The following LOC400499 variants were observed in gnomAD, a reference collection of about 807,000 sequenced individuals.
At chr16:11,459,868 A>C in the LOC400499 span, 208 of 1,338,390 alleles carry the variant, frequency 1.6e-4, no homozygotes, top group Middle Eastern at 7.7e-4. Context: ...CTCATGGGGC[A>C]CGGCTCTGCC....
chr16:11,426,411 C>G, the LOC400499 span, among the ~76,000 whole-genome samples: 2 of 152,104 alleles, frequency 1.3e-5, no homozygotes, highest in East Asian at 3.9e-4. Context: ...CCACTGCACT[C>G]CAGTCTGGGA....
chr16:11,478,310 G>C, the LOC400499 span, among the ~76,000 whole-genome samples: 5 of 148,816 alleles, frequency 3.4e-5, no homozygotes, highest in African/African-American at 1.2e-4. Context: ...TTACAGGCGT[G>C]AGCCACTTCG....
chr16:11,425,503 A>G, the LOC400499 span: 1 of 398,730 alleles, frequency 2.5e-6, no homozygotes, highest in East Asian at 3.6e-5. Context: ...GAGAGGAGGG[A>G]AAAGAATTTG....
chr16:11,444,645 G>C, the LOC400499 span, among the ~76,000 whole-genome samples: 2 of 152,182 alleles, frequency 1.3e-5, no homozygotes, highest in Non-Finnish European at 2.9e-5. Context: ...CTGGATCCTG[G>C]CATGCAATGG....
At chr16:11,411,468 A>C in the LOC400499 span, 1 of 396,974 alleles carries the variant, frequency 2.5e-6, no homozygotes, top group Non-Finnish European at 4.4e-6. Context: ...GTTCAGGGCT[A>C]TTCACACACC....
the LOC400499 span, chr16:11,439,386 C>A: frequency 2.5e-6 from 1 of 397,640 alleles, no homozygotes; most frequent in South Asian, 1.4e-4. Flanking sequence ...TCCCTCGGGC[C>A]CCCATCCTGC....
the LOC400499 span, among the ~76,000 whole-genome samples, chr16:11,416,177 T>C: frequency 1.3e-5 from 2 of 152,088 alleles, no homozygotes; most frequent in East Asian, 3.9e-4. Flanking sequence ...CTCGAACTCC[T>C]GACCTCAAAT....
chr16:11,456,490 A>T, the LOC400499 span, among the ~76,000 whole-genome samples: 1 of 152,236 alleles, frequency 6.6e-6, no homozygotes, highest in Non-Finnish European at 1.5e-5. Flanking sequence ...GTGGGGTGGG[A>T]CAAGGCTGGA....
chr16:11,398,505 T>A, the LOC400499 span: 1 of 1,232,192 alleles, frequency 8.1e-7, no homozygotes, highest in African/African-American at 1.5e-5. Flanking sequence ...AGATGGCCAA[T>A]GCCTCTGGAA....
chr16:11,522,083 T>G, the LOC400499 span: 1 of 398,258 alleles, frequency 2.5e-6, no homozygotes, highest in Non-Finnish European at 4.4e-6. Flanking sequence ...GTGTATCTGG[T>G]GCCCACAGGG....
At chr16:11,445,862 C>A in the LOC400499 span, among the ~76,000 whole-genome samples, 1 of 147,648 alleles carries the variant, frequency 6.8e-6, no homozygotes, top group Non-Finnish European at 1.5e-5. Context: ...GAGGCAGTGT[C>A]TTGCTCTGTG....
the LOC400499 span, among the ~76,000 whole-genome samples, chr16:11,526,307 A>T: frequency 8.5e-5 from 13 of 152,236 alleles, no homozygotes; most frequent in Non-Finnish European, 1.9e-4. Flanking sequence ...GCAGTGGCTC[A>T]TGCCTGTAAT....
chr16:11,499,492 T>C, the LOC400499 span, among the ~76,000 whole-genome samples: 100,842 of 150,598 alleles, frequency 0.67, 33,964 homozygotes, highest in Admixed American at 0.74. Context: ...TGGGACCCAA[T>C]CTGGGCCTGG....
At chr16:11,499,688 C>G in the LOC400499 span, among the ~76,000 whole-genome samples, 1 of 152,130 alleles carries the variant, frequency 6.6e-6, no homozygotes, top group African/African-American at 2.4e-5. Flanking sequence ...TCCATTCTAC[C>G]AATGCAGGGG....
chr16:11,487,271 G>C, the LOC400499 span: 3 of 398,786 alleles, frequency 7.5e-6, no homozygotes, highest in Non-Finnish European at 1.3e-5. Flanking sequence ...CCTCCAGAAG[G>C]TTGAAGGCAC....
the LOC400499 span, among the ~76,000 whole-genome samples, chr16:11,424,966 C>G: frequency 5.1e-4 from 78 of 152,230 alleles, no homozygotes; most frequent in Admixed American, 3.1e-3. Flanking sequence ...GAATGACGTC[C>G]CAGGGAAGGA....
the LOC400499 span, chr16:11,442,561 T>C: frequency 1.3e-5 from 2 of 152,292 alleles, no homozygotes; most frequent in East Asian, 3.9e-4. Flanking sequence ...CTAAATTATA[T>C]GAAACTAAAC....
the LOC400499 span, chr16:11,393,672 T>C: frequency 2.4e-5 from 22 of 910,358 alleles, no homozygotes; most frequent in African/African-American, 3.1e-4. Context: ...CTGTTGGACC[T>C]GTAGGGAACC....
chr16:11,457,654 G>T, the LOC400499 span, among the ~76,000 whole-genome samples: 2 of 151,430 alleles, frequency 1.3e-5, no homozygotes, highest in African/African-American at 4.9e-5. Context: ...ACACTTCCAG[G>T]TATACATACA....
Sources: allele counts gnomAD v4.1 joint callset (sites outside exome capture counted in the v4.1 genomes callset), GRCh38; gene constraint gnomAD v4.1.1; transcripts MANE v1.5.